Variants in CACNB2 observed in about 807,000 individuals in gnomAD.
CACNB2 encodes the protein calcium voltage-gated channel auxiliary subunit beta 2.
CACNB2 carries 42 observed loss-of-function variants against 73.3 expected under a neutral mutation model. The observed-to-expected ratio is 0.57, with a 90% CI of 0.45 to 0.74. The LOEUF (loss-of-function observed/expected upper bound fraction) is 0.74, where lower values mean the gene tolerates loss of function less well. Ranked by LOEUF, CACNB2 falls within the 30% of genes least tolerant of loss-of-function variation. CACNB2 has a pLI of 0.00. For missense variants in CACNB2, 940 were observed against 853.0 expected, an observed-to-expected ratio of 1.10 and a Z score of -1.27; for synonymous variants, 348 against 310.3, an observed-to-expected ratio of 1.12 and a Z score of -1.28.
At chr10:18,323,970 C>T (rs761190208) in intron 2 of CACNB2, among the ~76,000 whole-genome samples, 4 of 152,054 alleles carry the variant, frequency 2.6e-5, no homozygotes, top group Non-Finnish European at 5.9e-5. Context: ...CCATGAATAG[C>T]CTGCTGATGT....
chr10:18,514,908 T>C (rs1019239354), intron 7 of CACNB2: 11 of 979,638 alleles, frequency 1.1e-5, no homozygotes, highest in Non-Finnish European at 1.8e-5. Context: ...GATATCCAGA[T>C]ACATAGCTTG....
intron 2 of CACNB2, among the ~76,000 whole-genome samples, chr10:18,172,022 G>T (rs563290192): frequency 6.6e-6 from 1 of 152,216 alleles, no homozygotes; most frequent in Admixed American, 6.5e-5. Flanking sequence ...AAGGTAGAAA[G>T]TCTAGGACCG....
Position 18,237,417 on chromosome 10 carries a change from G to A in CACNB2, c.213+86442G>A, listed in dbSNP as rs147614897. 1.1e-3 allele frequency among the ~76,000 whole-genome samples: 168 copies of A among 152,314 alleles called. 1 individual carries two copies. In the East Asian group the frequency reaches 0.032, roughly 29 times the overall value. On this transcript the variant is annotated intron_variant, in intron 2 of 13. Transcript: ENST00000324631. ...ATGGTCATCCAAAGGTGGAGGCAGA[G>A]ATGGGGCAGATGCATCTACAAGCCA...
intron 2 of CACNB2, among the ~76,000 whole-genome samples, chr10:18,203,455 A>G (rs570323615): frequency 1.3e-5 from 2 of 152,302 alleles, no homozygotes; most frequent in African/African-American, 4.8e-5. Flanking sequence ...CGTGAGTGAG[A>G]GCAGAAAAGC....
chr10:18,207,131 C>T (rs1399020062), intron 2 of CACNB2, among the ~76,000 whole-genome samples: 2 of 152,162 alleles, frequency 1.3e-5, no homozygotes, highest in African/African-American at 4.8e-5. Flanking sequence ...GCCTCAGCCT[C>T]CCTAGTAGCT....
chr10:18,229,208 T>C (rs1428866565), intron 2 of CACNB2, among the ~76,000 whole-genome samples: 2 of 152,216 alleles, frequency 1.3e-5, no homozygotes, highest in African/African-American at 2.4e-5. Flanking sequence ...TATTAGAATA[T>C]TAATTAAGGA....
intron 3 of CACNB2, among the ~76,000 whole-genome samples, chr10:18,487,379 G>C (rs539761517): frequency 6.6e-6 from 1 of 152,280 alleles, no homozygotes; most frequent in East Asian, 1.9e-4. Flanking sequence ...CAATATGGGG[G>C]CTGTGTTTCA....
chr10:18,228,022 C>T (rs1237026803), intron 2 of CACNB2, among the ~76,000 whole-genome samples: 1 of 152,188 alleles, frequency 6.6e-6, no homozygotes, highest in Admixed American at 6.5e-5. Flanking sequence ...AACATTTTTA[C>T]ATTCTTTCAG....
chr10:18,437,314 A>G (rs1472108577), intron 3 of CACNB2, among the ~76,000 whole-genome samples: 2 of 152,140 alleles, frequency 1.3e-5, no homozygotes, highest in African/African-American at 4.8e-5. Context: ...CTTCTAAGTT[A>G]GTGCAGTTGG....
intron 2 of CACNB2, among the ~76,000 whole-genome samples, chr10:18,161,366 C>T (rs10828282): frequency 0.27 from 40,337 of 151,934 alleles, 5,448 homozygotes; most frequent in East Asian, 0.36. Flanking sequence ...GTATGGGGAT[C>T]GTGTGATTGT....
chr10:18,161,964 T>C (rs1217554913), intron 2 of CACNB2, among the ~76,000 whole-genome samples: 1 of 152,048 alleles, frequency 6.6e-6, no homozygotes, highest in African/African-American at 2.4e-5. Context: ...TAAAAAATAA[T>C]ACAATAGATG....
Position 18,539,792 on chromosome 10 carries a change from C to CAG in CACNB2, c.*69_*70insGA. 6.7e-7 allele frequency: 1 copy of CAG among 1,499,258 alleles called. No individual in the cohort carries two copies. The highest frequency in any genetic ancestry group is 9.0e-7 in the Non-Finnish European group (1 of 1,106,140). The allele number at this position is 1,499,258 out of a possible 1,614,324, so 92.9% of individuals were successfully genotyped here. A position where few individuals can be genotyped will look rare whatever the true frequency, so the allele number is the denominator to read the frequency against. On this transcript the variant is annotated 3_prime_UTR_variant, in exon 14 of 14. Coordinates refer to ENST00000324631, the MANE Select transcript of CACNB2 (RefSeq NM_201596.3). Reference sequence around the variant, plus strand: ...TGTATAACTAACAGCATCCCCAAAACAAAGTCTTTGGGGTCTACACTGCAA... The same window carrying CAG: ...TGTATAACTAACAGCATCCCCAAAACAGAAAGTCTTTGGGGTCTACACTGCAA...
chr10:18,540,331 A>C lies in CACNB2; in HGVS notation c.*607A>C, dbSNP rs1217396181. On this transcript the variant is annotated 3_prime_UTR_variant, in exon 14 of 14. Transcript: ENST00000324631. ...AAACAAACACCTTCTTATTATATAT[A>C]TAATATATATATATATCAGTTTGAT... 1 of 149,500 alleles carries C rather than the reference A, an allele frequency of 6.7e-6. No individual in the cohort carries two copies. Among genetic ancestry groups the C allele is most frequent in the Non-Finnish European group, 1.5e-5 (1 of 67,532 alleles). 9.3% of individuals were successfully genotyped at this position (149,500 alleles called of 1,614,324 possible). A position where few individuals can be genotyped will look rare whatever the true frequency, so the allele number is the denominator to read the frequency against.
chr10:18,244,414 C>A (rs1463522217), intron 2 of CACNB2, among the ~76,000 whole-genome samples: 1 of 152,050 alleles, frequency 6.6e-6, no homozygotes, highest in African/African-American at 2.4e-5. Flanking sequence ...TATGGGGATC[C>A]CTAAAGGATA....
chr10:18,454,872 C>G (rs78683661), intron 3 of CACNB2, among the ~76,000 whole-genome samples: 69 of 152,022 alleles, frequency 4.5e-4, no homozygotes, highest in Admixed American at 2.0e-3. Context: ...GACTGCCCCC[C>G]GCTACAAAAA....
chr10:18,496,745 C>T (rs1200422995), intron 3 of CACNB2, among the ~76,000 whole-genome samples: 8 of 121,078 alleles, frequency 6.6e-5, no homozygotes, highest in African/African-American at 2.6e-4. Context: ...ATGCAGGAGG[C>T]GGAGGTTGCA....
Position 18,187,979 on chromosome 10 carries a change from G to C in CACNB2, c.213+37004G>C, listed in dbSNP as rs539616489. The stretch of plus-strand genomic sequence containing the variant: ...GCTGAGAGTGATGGCGGCAGTGTGG[G>C]TTTCTTGAGCTGCTGAAATATTGTT... On this transcript the variant is annotated intron_variant, in intron 2 of 13. Transcript: ENST00000324631. 3.3e-5 allele frequency among the ~76,000 whole-genome samples: 5 copies of C among 152,132 alleles called. No homozygotes were observed. The East Asian group carries it at 7.7e-4, about 23-fold the overall frequency.
intron 6 of CACNB2, among the ~76,000 whole-genome samples, chr10:18,509,980 A>C (rs1483493111): frequency 6.6e-6 from 1 of 152,248 alleles, no homozygotes; most frequent in African/African-American, 2.4e-5. Context: ...AACATTTCTC[A>C]TTAAAAGGAG....
In CACNB2 at chr10:18,539,495, A is replaced by T. The variant is rs1412805204; in HGVS notation, c.1754A>T (p.His585Leu). 1.2e-6 allele frequency: 2 copies of T among 1,613,874 alleles called. No individual in the cohort carries two copies. Among genetic ancestry groups the T allele is most frequent in the African/African-American group, 2.7e-5 (2 of 74,874 alleles). ...GACCACGTGGACCACTATGCCTCAC[A>T]CCGTGACCACAACCACAGAGACGAG... is the stretch of plus-strand genomic sequence containing the variant. Reference protein sequence around the residue: ...SHDHVDHYASHRDHNHRDETH... With the variant: ...SHDHVDHYASLRDHNHRDETH... The change falls in exon 14 of 14, where the codon CAC (histidine) becomes CTC (leucine). Residue 585 changes from histidine to leucine, a missense_variant. His to Leu is a moderately conservative substitution (Grantham distance 99, BLOSUM62 -3). Transcript: ENST00000324631.
Sources: gnomAD v4.1 joint callset for allele counts (sites outside exome capture counted in the v4.1 genomes callset) on GRCh38, gnomAD v4.1.1 for gene constraint, MANE v1.5 for transcripts, NCBI Gene and HGNC (gene_info 2026-07-23, HGNC 2026-07-21) for gene names.